Variants in KIF15 observed in about 807,000 individuals in gnomAD.
The protein encoded by KIF15 is kinesin-like protein KIF15.
In KIF15, 140 loss-of-function variants were observed where a neutral mutation model predicts 190.6. The ratio of observed to expected loss-of-function variants is 0.73; its 90% CI spans 0.64 to 0.84. KIF15 has a LOEUF of 0.84. Ranked by LOEUF, KIF15 falls within the 40% of genes least tolerant of loss-of-function variation. The pLI is 0.00. For missense variants in KIF15, 1,372 were observed against 1,584.4 expected (o/e 0.87, Z 2.28); for synonymous variants, 528 against 551.3 (o/e 0.96, Z 0.59).
downstream of KIF15, among the ~76,000 whole-genome samples, chr3:44,853,487 A>C (rs1254510571): frequency 6.6e-6 from 1 of 152,234 alleles, no homozygotes; most frequent in East Asian, 1.9e-4. Flanking sequence ...GTTTAGGACT[A>C]TTATAAATAA....
intron 8 of KIF15, among the ~76,000 whole-genome samples, chr3:44,796,658 C>T (rs1236265007): frequency 6.6e-6 from 1 of 152,154 alleles, no homozygotes; most frequent in Non-Finnish European, 1.5e-5. Flanking sequence ...TTTTTGTATA[C>T]TCCTTCCACT....
intron 7 of KIF15, among the ~76,000 whole-genome samples, chr3:44,789,140 C>G (rs1379288114): frequency 6.6e-6 from 1 of 152,040 alleles, no homozygotes; most frequent in Non-Finnish European, 1.5e-5. Context: ...TCATGCTGTT[C>G]TTTTTCCAAC....
At chr3:44,773,946 GAA>G (rs1352285647) in intron 1 of KIF15, among the ~76,000 whole-genome samples, 1 of 152,148 alleles carries the variant, frequency 6.6e-6, no homozygotes, top group Non-Finnish European at 1.5e-5. Flanking sequence ...CTCACAGATT[GAA>G]TACCAGGCCA....
chr3:44,838,922 A>G (rs961655213), intron 27 of KIF15, among the ~76,000 whole-genome samples: 4 of 152,084 alleles, frequency 2.6e-5, no homozygotes, highest in African/African-American at 9.7e-5. Flanking sequence ...ACACATGGCA[A>G]CCAGTTCTAA....
chr3:44,838,087 T>C (rs1402492155), intron 26 of KIF15, among the ~76,000 whole-genome samples, 188 bp from the exon 27 acceptor site: 2 of 152,240 alleles, frequency 1.3e-5, no homozygotes, highest in African/African-American at 4.8e-5. Context: ...GTAATAATGT[T>C]AATCTCTAGA....
chr3:44,867,504 G>A (rs1383516076), intron 6 of KIF15, among the ~76,000 whole-genome samples: 1 of 152,232 alleles, frequency 6.6e-6, no homozygotes, highest in Non-Finnish European at 1.5e-5. Context: ...TGGGCAGTTA[G>A]TGAAAAGGGC....
At chr3:44,840,142 C>T (rs1292783034) in intron 27 of KIF15, among the ~76,000 whole-genome samples, 1 of 152,202 alleles carries the variant, frequency 6.6e-6, no homozygotes, top group Non-Finnish European at 1.5e-5. Flanking sequence ...ACATTCCCAA[C>T]AGTATACAAG....
intron 26 of KIF15, among the ~76,000 whole-genome samples, chr3:44,833,669 GCAGCC>G (rs1313484048): frequency 7.2e-6 from 1 of 138,812 alleles, no homozygotes; most frequent in African/African-American, 2.5e-5. Flanking sequence ...CTCCTGCTGT[GCAGCC>G]CAGTTCCTAA....
intron 6 of KIF15, 75 bp downstream of exon 6, chr3:44,785,017 T>C (rs1390822989): frequency 1.4e-6 from 1 of 722,278 alleles, no homozygotes; most frequent in South Asian, 1.8e-5. Flanking sequence ...AATTAGCTCA[T>C]GATACATGGT....
At chr3:44,777,096 A>C (rs1467121286) in intron 3 of KIF15, among the ~76,000 whole-genome samples, 5 of 149,796 alleles carry the variant, frequency 3.3e-5, no homozygotes, top group African/African-American at 4.9e-5. Flanking sequence ...CTGTGATTAC[A>C]GGCATATGCC....
intron 7 of KIF15, among the ~76,000 whole-genome samples, chr3:44,786,946 C>T (rs1419061493): frequency 6.6e-6 from 1 of 152,186 alleles, no homozygotes; most frequent in Non-Finnish European, 1.5e-5. Flanking sequence ...CAAAAGCTAA[C>T]TTACCTTGAG....
At chr3:44,845,964 A>G (rs992559368) in intron 30 of KIF15, among the ~76,000 whole-genome samples, 2 of 151,278 alleles carry the variant, frequency 1.3e-5, no homozygotes, top group Non-Finnish European at 2.9e-5. Context: ...CCTTTCCCCA[A>G]CTCCCCTGGA....
At chr3:44,794,593 C>A (rs1277592091) in intron 8 of KIF15, among the ~76,000 whole-genome samples, 167 bp downstream of exon 8, 2 of 152,118 alleles carry the variant, frequency 1.3e-5, no homozygotes, top group African/African-American at 4.8e-5. Flanking sequence ...GTAGGCTATA[C>A]CATCTCGGTT....
At chr3:44,833,397 T>C (rs917482680) in intron 26 of KIF15, among the ~76,000 whole-genome samples, 2 of 151,908 alleles carry the variant, frequency 1.3e-5, no homozygotes, top group Non-Finnish European at 2.9e-5. Flanking sequence ...CTCACCGTAA[T>C]GTAGAATCAG....
chr3:44,762,856 A>G (rs1490020526), intron 1 of KIF15, among the ~76,000 whole-genome samples: 3 of 152,192 alleles, frequency 2.0e-5, no homozygotes, highest in Admixed American at 6.5e-5. Context: ...TTCAAGGACT[A>G]TGAGCTCACA....
intron 6 of KIF15, among the ~76,000 whole-genome samples, chr3:44,860,829 T>C (rs755314728): frequency 3.9e-5 from 6 of 152,008 alleles, no homozygotes; most frequent in African/African-American, 9.7e-5. Flanking sequence ...AAAATGCATA[T>C]ACATATTCTA....
chr3:44,856,056 T>C (rs1221140970), downstream of KIF15, among the ~76,000 whole-genome samples: 1 of 151,968 alleles, frequency 6.6e-6, no homozygotes, highest in Middle Eastern at 3.2e-3. Context: ...ACTGCTTGGG[T>C]GATTTGACTA....
At chr3:44,826,545 T>A in intron 22 of KIF15, 85 bp downstream of exon 22, 1 of 910,806 alleles carries the variant, frequency 1.1e-6, no homozygotes, top group Non-Finnish European at 1.7e-6. Flanking sequence ...TTATTGCCAA[T>A]ACCCTGTAAA....
chr3:44,778,614 C>T (rs1337775951), intron 4 of KIF15, among the ~76,000 whole-genome samples: 3 of 152,148 alleles, frequency 2.0e-5, no homozygotes, highest in Non-Finnish European at 4.4e-5. Flanking sequence ...GCAGGGATTA[C>T]ACTCCAAGGT....
Sources: gnomAD v4.1 joint callset for allele counts (sites outside exome capture counted in the v4.1 genomes callset) on GRCh38, gnomAD v4.1.1 for gene constraint, MANE v1.5 for transcripts, NCBI Gene and HGNC (gene_info 2026-07-23, HGNC 2026-07-21) for gene names.